Variants in TCEA3 observed in about 807,000 individuals in gnomAD.
TCEA3 encodes transcription elongation factor A protein 3.
A neutral mutation model predicts 44.0 loss-of-function variants in TCEA3; 36 were observed. That is an observed-to-expected ratio of 0.82 (90% CI 0.63 to 1.08). TCEA3 has a LOEUF of 1.08. Ranked by LOEUF, TCEA3 falls within the 50% of genes least tolerant of loss-of-function variation. TCEA3 has a pLI of 0.00. For missense variants in TCEA3, 392 were observed against 441.2 expected (o/e 0.89, Z 1.00); for synonymous variants, 162 against 159.7 (o/e 1.01, Z -0.11).
chr1:23,400,373 C>CAT (rs112519702), intron 5 of TCEA3, among the ~76,000 whole-genome samples: 1 of 133,500 alleles, frequency 7.5e-6, no homozygotes, highest in African/African-American at 3.1e-5. Context: ...CCACACCAGG[C>CAT]TTTTTTTTTT....
intron 1 of TCEA3, chr1:23,423,993 A>T (rs944704875): frequency 3.1e-5 from 12 of 385,216 alleles, no homozygotes; most frequent in Admixed American, 2.3e-4. Context: ...AAGGCCAAGG[A>T]AAGGGAAAAT....
chr1:23,392,390 A>ACAC (rs1639060717), intron 8 of TCEA3, among the ~76,000 whole-genome samples: 13 of 7,188 alleles, frequency 1.8e-3, no homozygotes, highest in East Asian at 4.6e-3. Context: ...TCATACACAA[A>ACAC]ACACACTCCA....
chr1:23,417,156 G>A (rs1462518185), intron 4 of TCEA3, 93 bp downstream of exon 4: 7 of 1,463,068 alleles, frequency 4.8e-6, no homozygotes, highest in Non-Finnish European at 6.5e-6. Flanking sequence ...TCCTCCCCAG[G>A]ATGAAAGGTT....
At chr1:23,384,203 ATC>A in intron 10 of TCEA3, 141 bp downstream of exon 10, 1 of 1,515,146 alleles carries the variant, frequency 6.6e-7, no homozygotes, top group East Asian at 2.3e-5. Flanking sequence ...ATCCGCCACT[ATC>A]TCTGGCTCTG....
intron 2 of TCEA3, chr1:23,418,243 G>A (rs1639951831): frequency 3.9e-6 from 2 of 515,368 alleles, no homozygotes; most frequent in African/African-American, 3.8e-5. Context: ...CTGTAGCTTT[G>A]GTGAAACCTG....
chr1:23,383,768 T>C (rs895195769), intron 10 of TCEA3: 22 of 985,656 alleles, frequency 2.2e-5, no homozygotes, highest in South Asian at 4.7e-5. Context: ...GAAGGAGCAC[T>C]CTGGGAGGAG....
At chr1:23,400,870 G>A (rs1205474308) in intron 5 of TCEA3, among the ~76,000 whole-genome samples, 1 of 152,196 alleles carries the variant, frequency 6.6e-6, no homozygotes, top group Non-Finnish European at 1.5e-5. Context: ...CACAGCCTGG[G>A]CAGCTGCGCC....
chr1:23,398,568 C>T (rs1239440430), intron 5 of TCEA3, among the ~76,000 whole-genome samples: 1 of 152,212 alleles, frequency 6.6e-6, no homozygotes, highest in Non-Finnish European at 1.5e-5. Flanking sequence ...GATGCCAGAA[C>T]TGTGCCAGGC....
rs752254564 is a variant in TCEA3, at chr1:23,417,404, G to A, written c.239-14C>T. ...GTCCAGGGGAGTCTGAAAACAAAAG[G>A]GTGGCATTGTCCCTCAGCTAAGCTC... On this transcript the variant is annotated splice_polypyrimidine_tract_variant and intron_variant, in intron 3 of 10. Transcript: ENST00000450454. 16 of 1,611,004 alleles carry A rather than the reference G, an allele frequency of 9.9e-6. No homozygotes were observed. The highest frequency in any genetic ancestry group is 1.7e-5 in the Admixed American group (1 of 59,372).
Position 23,387,382 on chromosome 1 carries a change from G to C in TCEA3, c.857C>G (p.Ala286Gly). Residue 286 changes from alanine (A) to glycine (G), a missense_variant, in exon 9 of 11, where the codon GCC becomes GGC. Coordinates refer to ENST00000450454, the MANE Select transcript of TCEA3 (RefSeq NM_003196.3). ...CTCACGGATGGCCTCCTGGGTCATG[G>C]CATTCCTCAACTCCCTCAGTTCATC... ...ASDELRELRN[A>G]MTQEAIREHQ... 1 of 1,610,510 alleles carries C rather than the reference G, an allele frequency of 6.2e-7. No individual in the cohort carries two copies. The highest frequency in any genetic ancestry group is 8.5e-7 in the Non-Finnish European group (1 of 1,178,392).
rs1558030151 is a variant in TCEA3 at position 23,392,408 on chromosome 1, T to TACACACACACTCCACACAC, written c.819+1470_819+1471insGTGTGTGGAGTGTGTGTGT. Among the ~76,000 whole-genome samples the TACACACACACTCCACACAC allele has an allele frequency of 3.9e-4, 2 of 5,104 alleles. 1 individual carries two copies. Among genetic ancestry groups the TACACACACACTCCACACAC allele is most frequent in the Non-Finnish European group, 6.9e-4 (2 of 2,916 alleles). 3.3% of individuals were successfully genotyped at this position (5,104 alleles called of 152,430 possible). A position where few individuals can be genotyped will look rare whatever the true frequency, so the allele number is the denominator to read the frequency against. On this transcript the variant is annotated intron_variant, in intron 8 of 10. Coordinates refer to ENST00000450454, the MANE Select transcript of TCEA3 (RefSeq NM_003196.3). ...TACACAAAACACACTCCACACATCA[T>TACACACACACTCCACACAC]CATGCACAATACACACACACTCCAC...
chr1:23,384,455 T>A, intron 9 of TCEA3, 38 bp from the exon 10 acceptor site: 1 of 1,604,872 alleles, frequency 6.2e-7, no homozygotes, highest in Non-Finnish European at 8.5e-7. Flanking sequence ...GTCACTCCCC[T>A]GTTCTAGGAC....
chr1:23,400,194 T>C (rs1558044853), intron 5 of TCEA3, among the ~76,000 whole-genome samples: 1 of 152,190 alleles, frequency 6.6e-6, no homozygotes, highest in Non-Finnish European at 1.5e-5. Context: ...TTCTTTTTGG[T>C]AACCCTAAAA....
intron 8 of TCEA3, among the ~76,000 whole-genome samples, chr1:23,388,616 A>T (rs1638925093): frequency 6.6e-6 from 1 of 152,180 alleles, no homozygotes; most frequent in Non-Finnish European, 1.5e-5. Context: ...GCTTCTTGAT[A>T]AAATGCAGAT....
rs1460754398 is a variant in TCEA3 at position 23,397,588 on chromosome 1, G to A, written c.621C>T (p.Asp207=). The A allele has an allele frequency of 6.2e-7, 1 of 1,613,858 alleles. No homozygotes were observed. The highest frequency in any genetic ancestry group is 1.7e-5 in the Admixed American group (1 of 60,014). ...CCATCTTGTCACAGTTGACTCCATA[G>A]TCCTTGTAATCATCTAAAAGAGATT... ...AALKADDDYK[D]YGVNCDKMAS... is the part of the protein sequence containing the mutation. The change falls in exon 7 of 11, where the codon GAC becomes GAT. Residue 207 remains aspartate (D), a synonymous_variant. Transcript: ENST00000450454.
At chr1:23,391,536 T>A (rs1040337086) in intron 8 of TCEA3, among the ~76,000 whole-genome samples, 131 of 152,272 alleles carry the variant, frequency 8.6e-4, no homozygotes, top group African/African-American at 3.1e-3. Flanking sequence ...CATGTGAGGT[T>A]ACAGTGAGAA....
chr1:23,408,792 G>T, intron 4 of TCEA3, 66 bp from the exon 5 acceptor site: 1 of 1,456,916 alleles, frequency 6.9e-7, no homozygotes, highest in Non-Finnish European at 9.4e-7. Flanking sequence ...AGGAAGGTGG[G>T]GAGAAAGCAT....
intron 3 of TCEA3, 80 bp from the exon 4 acceptor site, chr1:23,417,470 A>G: frequency 6.5e-7 from 1 of 1,528,172 alleles, no homozygotes; most frequent in Non-Finnish European, 8.8e-7. Flanking sequence ...GGGAGAGAGC[A>G]AAGGGCAGGG....
At chr1:23,424,145 G>C (rs1347668816) in intron 1 of TCEA3, among the ~76,000 whole-genome samples, 1 of 151,444 alleles carries the variant, frequency 6.6e-6, no homozygotes, top group African/African-American at 2.4e-5. Context: ...CCACTTCTCG[G>C]GCCACCCGGA....
Sources: gnomAD v4.1 joint callset for allele counts (sites outside exome capture counted in the v4.1 genomes callset) on GRCh38, gnomAD v4.1.1 for gene constraint, MANE v1.5 for transcripts, NCBI Gene and HGNC (gene_info 2026-07-23, HGNC 2026-07-21) for gene names.